The following C1orf74 variants were observed in gnomAD, a reference collection of about 807,000 sequenced individuals.
C1orf74 encodes the protein UPF0739 protein C1orf74.
C1orf74 carries 5 observed loss-of-function variants against 7.3 expected under a neutral mutation model. The ratio of observed to expected loss-of-function variants is 0.68; its 90% CI spans 0.36 to 1.44. C1orf74 has a LOEUF of 1.44. Among genes scored for constraint, C1orf74 ranks in the 40% most tolerant of loss-of-function variants. C1orf74 has a pLI of 0.04. For synonymous variants in C1orf74, 121 were observed against 132.5 expected, an observed-to-expected ratio of 0.91 and a Z score of 0.59; for missense variants, 291 against 314.3, an observed-to-expected ratio of 0.93 and a Z score of 0.56.
Position 209,779,469 on chromosome 1 carries a change from G to GAACTGGCTGGGA in C1orf74, c.*3355_*3356insTCCCAGCCAGTT. Reference sequence around the variant, plus strand: ...GACTACATGACCTCCTGGAGTCCCAGCCAGTTCTGGGAGTCTGTTAAGTCC... The same window carrying GAACTGGCTGGGA: ...GACTACATGACCTCCTGGAGTCCCAGAACTGGCTGGGACCAGTTCTGGGAGTCTGTTAAGTCC... On this transcript the variant is annotated 3_prime_UTR_variant, in exon 2 of 2. Coordinates refer to ENST00000294811, the MANE Select transcript of C1orf74 (RefSeq NM_152485.4). The GAACTGGCTGGGA allele has an allele frequency of 1.9e-6, 2 of 1,069,568 alleles. No individual in the cohort carries two copies. Among genetic ancestry groups the GAACTGGCTGGGA allele is most frequent in the Non-Finnish European group, 2.9e-6 (2 of 692,536 alleles). 66.3% of individuals were successfully genotyped at this position (1,069,568 alleles called of 1,614,324 possible). A position where few individuals can be genotyped will look rare whatever the true frequency, so the allele number is the denominator to read the frequency against.
At position 209,779,644 on chromosome 1, in the gene C1orf74, T is replaced by C. The variant is rs529378466; in HGVS notation, c.*3181A>G. On this transcript the variant is annotated 3_prime_UTR_variant, in exon 2 of 2. Transcript: ENST00000294811. ...TGTGTTGAACATTTCAATAAATTTA[T>C]TTTGAACTCAGGATTTCATGTCAAT... is the stretch of plus-strand genomic sequence containing the variant. 5.0e-6 allele frequency: 3 copies of C among 605,610 alleles called. No individual in the cohort carries two copies. In the South Asian group the frequency reaches 6.0e-5, roughly 12 times the overall value. The allele number at this position is 605,610 out of a possible 1,614,324, so 37.5% of individuals were successfully genotyped here.
At position 209,783,706 on chromosome 1, in the gene C1orf74, G is replaced by A. The variant is rs2077813815; in HGVS notation, c.-72C>T. On this transcript the variant is annotated 5_prime_UTR_variant, in exon 2 of 2. Coordinates refer to ENST00000294811, the MANE Select transcript of C1orf74 (RefSeq NM_152485.4). ...ATCTTTCAGCCAGACACTTGAGGAGGGGCCTAGAAACAAAGCAGGAGCAGG... is the reference window on the plus strand; with the variant it reads ...ATCTTTCAGCCAGACACTTGAGGAGAGGCCTAGAAACAAAGCAGGAGCAGG... The A allele has an allele frequency of 1.6e-6, 2 of 1,290,036 alleles. No individual in the cohort carries two copies. Among genetic ancestry groups the A allele is most frequent in the East Asian group, 2.3e-5 (1 of 42,826 alleles). The allele number at this position is 1,290,036 out of a possible 1,614,324, so 79.9% of individuals were successfully genotyped here.
Position 209,779,547 on chromosome 1 carries a change from A to G in C1orf74, c.*3278T>C, listed in dbSNP as rs1391333066. ...GATCATTGGCTCTGAGGACACTTCA[A>G]CTAGTTAGCCTTCTATCTTGAGGTA... On this transcript the variant is annotated 3_prime_UTR_variant, in exon 2 of 2. Coordinates refer to ENST00000294811, the MANE Select transcript of C1orf74 (RefSeq NM_152485.4). The G allele has an allele frequency of 1.4e-6, 1 of 719,598 alleles. No homozygotes were observed. The highest frequency in any genetic ancestry group is 2.6e-6 in the Non-Finnish European group (1 of 386,546). The allele number at this position is 719,598 out of a possible 1,614,324, so 44.6% of individuals were successfully genotyped here.
intron 1 of C1orf74, among the ~76,000 whole-genome samples, chr1:209,783,921 C>T (rs1393859693): frequency 6.6e-6 from 1 of 151,992 alleles, no homozygotes; most frequent in African/African-American, 2.4e-5. Flanking sequence ...ATTTATATTC[C>T]CTCTGGCTTT....
chr1:209,779,484 C>T lies in C1orf74; in HGVS notation c.*3341G>A. On this transcript the variant is annotated 3_prime_UTR_variant, in exon 2 of 2. Coordinates refer to ENST00000294811, the MANE Select transcript of C1orf74 (RefSeq NM_152485.4). ...TGGAGTCCCAGCCAGTTCTGGGAGTCTGTTAAGTCCGGGATGTGTGGGAGC... is the reference window on the plus strand; with the variant it reads ...TGGAGTCCCAGCCAGTTCTGGGAGTTTGTTAAGTCCGGGATGTGTGGGAGC... 1.1e-6 allele frequency: 1 copy of T among 921,456 alleles called. No homozygotes were observed. The highest frequency in any genetic ancestry group is 1.8e-6 in the Non-Finnish European group (1 of 562,346). The allele number at this position is 921,456 out of a possible 1,614,324, so 57.1% of individuals were successfully genotyped here. A position where few individuals can be genotyped will look rare whatever the true frequency, so the allele number is the denominator to read the frequency against.
At chr1:209,784,049 CT>C (rs1482803447) in intron 1 of C1orf74, among the ~76,000 whole-genome samples, 1 of 152,172 alleles carries the variant, frequency 6.6e-6, no homozygotes, top group African/African-American at 2.4e-5. Flanking sequence ...CCCAAAAGCC[CT>C]TCTGGGACAG....
chr1:209,779,633 C>T lies in C1orf74; in HGVS notation c.*3192G>A. On this transcript the variant is annotated 3_prime_UTR_variant, in exon 2 of 2. Transcript: ENST00000294811. ...AAGCACATGTCTGTGTTGAACATTT[C>T]AATAAATTTATTTTGAACTCAGGAT... 1.6e-6 allele frequency: 1 copy of T among 609,424 alleles called. No individual in the cohort carries two copies. Among genetic ancestry groups the T allele is most frequent in the Non-Finnish European group, 2.9e-6 (1 of 340,986 alleles). 37.8% of individuals were successfully genotyped at this position (609,424 alleles called of 1,614,324 possible). A position where few individuals can be genotyped will look rare whatever the true frequency, so the allele number is the denominator to read the frequency against.
chr1:209,779,861 T>C lies in C1orf74; in HGVS notation c.*2964A>G, dbSNP rs1006509698. 1.7e-5 allele frequency: 4 copies of C among 231,658 alleles called. No homozygotes were observed. Among genetic ancestry groups the C allele is most frequent in the Non-Finnish European group, 3.4e-5 (4 of 117,358 alleles). The allele number at this position is 231,658 out of a possible 1,614,324, so 14.4% of individuals were successfully genotyped here. On this transcript the variant is annotated 3_prime_UTR_variant, in exon 2 of 2. Coordinates refer to ENST00000294811, the MANE Select transcript of C1orf74 (RefSeq NM_152485.4). ...ACCTTTTGTTTTCTCTTCACAATCA[T>C]TGGGCATAATATAATAGATAAGGCA...
In C1orf74 at chr1:209,780,385, TC is replaced by T. The variant is rs1296601042; in HGVS notation, c.*2439del. 2 of 1,306,426 alleles carry T rather than the reference TC, an allele frequency of 1.5e-6. No individual in the cohort carries two copies. The highest frequency in any genetic ancestry group is 1.0e-6 in the Non-Finnish European group (1 of 999,138). The allele number at this position is 1,306,426 out of a possible 1,614,324, so 80.9% of individuals were successfully genotyped here. ...ACGCCCTCCCAAGTTCCCTCCCCTC[TC>T]CCCACTCCTAGTGGTTTCACCCTCA... On this transcript the variant is annotated 3_prime_UTR_variant, in exon 2 of 2. Transcript: ENST00000294811.
Position 209,780,222 on chromosome 1 carries a change from G to A in C1orf74, c.*2603C>T. On this transcript the variant is annotated 3_prime_UTR_variant, in exon 2 of 2. Transcript: ENST00000294811. ...TATTCACTAAAACTATCTAGCACTA[G>A]ATAAGACTGGGGATACAAAGAAAAG... 1 of 294,820 alleles carries A rather than the reference G, an allele frequency of 3.4e-6. No individual in the cohort carries two copies. Among genetic ancestry groups the A allele is most frequent in the Non-Finnish European group, 6.2e-6 (1 of 161,120 alleles). The allele number at this position is 294,820 out of a possible 1,614,324, so 18.3% of individuals were successfully genotyped here. A position where few individuals can be genotyped will look rare whatever the true frequency, so the allele number is the denominator to read the frequency against.
Position 209,779,258 on chromosome 1 carries a change from G to GA in C1orf74, c.*3566dup. On this transcript the variant is annotated 3_prime_UTR_variant, in exon 2 of 2. Transcript: ENST00000294811. ...AAGGTTCTAAGCAAAGTTCTGAAAAGAAAACTTTTTGTAGTAAATATGCTA... is the reference window on the plus strand; with the variant it reads ...AAGGTTCTAAGCAAAGTTCTGAAAAGAAAAACTTTTTGTAGTAAATATGCTA... The GA allele has an allele frequency of 1.3e-6, 2 of 1,504,356 alleles. No individual in the cohort carries two copies. Among genetic ancestry groups the GA allele is most frequent in the Non-Finnish European group, 1.8e-6 (2 of 1,087,412 alleles). The allele number at this position is 1,504,356 out of a possible 1,614,324, so 93.2% of individuals were successfully genotyped here.
rs781628373 is a variant in C1orf74 at position 209,782,907 on chromosome 1, C to T, written c.728G>A (p.Arg243Lys). Residue 243 changes from arginine to lysine, a missense_variant, in exon 2 of 2, where the codon AGA becomes AAA. Coordinates refer to ENST00000294811, the MANE Select transcript of C1orf74 (RefSeq NM_152485.4). ...GTCATTCTGAGTCCTAAATCGGGTTCTGAGGTCCTTCTCCCAGGTGTTTAG... is the reference window on the plus strand; with the variant it reads ...GTCATTCTGAGTCCTAAATCGGGTTTTGAGGTCCTTCTCCCAGGTGTTTAG... ...DILNTWEKDL[R>K]TRFRTQNDFA... 1.9e-6 allele frequency: 3 copies of T among 1,614,066 alleles called. No homozygotes were observed. The highest frequency in any genetic ancestry group is 2.2e-5 in the East Asian group (1 of 44,894).
Position 209,779,421 on chromosome 1 carries a change from A to C in C1orf74, c.*3404T>G, listed in dbSNP as rs1571966270. ...AATTCTAAGATATTGCTCTTCTCTT[A>C]CCTGCCTAGAGGCAGCGGGATGGAC... is the stretch of plus-strand genomic sequence containing the variant. On this transcript the variant is annotated 3_prime_UTR_variant, in exon 2 of 2. Transcript: ENST00000294811. The C allele has an allele frequency of 6.5e-7, 1 of 1,550,022 alleles. No individual in the cohort carries two copies. The highest frequency in any genetic ancestry group is 8.9e-7 in the Non-Finnish European group (1 of 1,121,936).
chr1:209,782,740 A>G lies in C1orf74; in HGVS notation c.*85T>C. 1 of 1,352,984 alleles carries G rather than the reference A, an allele frequency of 7.4e-7. No individual in the cohort carries two copies. Among genetic ancestry groups the G allele is most frequent in the Non-Finnish European group, 1.0e-6 (1 of 976,630 alleles). The allele number at this position is 1,352,984 out of a possible 1,614,324, so 83.8% of individuals were successfully genotyped here. A position where few individuals can be genotyped will look rare whatever the true frequency, so the allele number is the denominator to read the frequency against. ...CCTTAGTGTATTCAAGACACTTGGA[A>G]TTGGCAGTTGAGATGATTATTTGCC... On this transcript the variant is annotated 3_prime_UTR_variant, in exon 2 of 2. Transcript: ENST00000294811.
chr1:209,779,214 G>A lies in C1orf74; in HGVS notation c.*3611C>T. On this transcript the variant is annotated 3_prime_UTR_variant, in exon 2 of 2. Transcript: ENST00000294811. ...GGACAAAATTCAACACACAGCAGAT[G>A]GGAACATATTTAATAACCAAGGTTC... is the stretch of plus-strand genomic sequence containing the variant. The A allele has an allele frequency of 1.1e-6, 1 of 892,048 alleles. No individual in the cohort carries two copies. The highest frequency in any genetic ancestry group is 1.8e-6 in the Non-Finnish European group (1 of 567,830). 55.3% of individuals were successfully genotyped at this position (892,048 alleles called of 1,614,324 possible).
chr1:209,782,445 C>T lies in C1orf74; in HGVS notation c.*380G>A. The T allele has an allele frequency of 2.1e-6, 1 of 465,458 alleles. No individual in the cohort carries two copies. The highest frequency in any genetic ancestry group is 3.9e-6 in the Non-Finnish European group (1 of 257,054). The allele number at this position is 465,458 out of a possible 1,614,324, so 28.8% of individuals were successfully genotyped here. ...TAAACATGCAGAAAAGCCCCCAGCC[C>T]TACTTTCCTAGCATGCAGCACCCAC... is the stretch of plus-strand genomic sequence containing the variant. On this transcript the variant is annotated 3_prime_UTR_variant, in exon 2 of 2. Coordinates refer to ENST00000294811, the MANE Select transcript of C1orf74 (RefSeq NM_152485.4).
Position 209,783,024 on chromosome 1 carries a change from G to A in C1orf74, c.611C>T (p.Thr204Ile). The A allele has an allele frequency of 1.2e-6, 2 of 1,614,224 alleles. No individual in the cohort carries two copies. Among genetic ancestry groups the A allele is most frequent in the Non-Finnish European group, 1.7e-6 (2 of 1,180,050 alleles). The change falls in exon 2 of 2, where the codon ACT becomes ATT. Residue 204 changes from threonine (T) to isoleucine (I), a missense_variant. By Grantham distance (89) the Thr-to-Ile change is moderately conservative. Transcript: ENST00000294811. ...CLALTPLRVF[T>I]ARISWLLGQP... The stretch of plus-strand genomic sequence containing the variant: ...ACCTAGCAACCATGAGATCCGGGCA[G>A]TGAATACTCGTAGTGGAGTCAGAGC...
rs2077812323 is a variant in C1orf74, at chr1:209,783,536, T to C, written c.99A>G (p.Gln33=). The change falls in exon 2 of 2, where the codon CAA becomes CAG. Residue 33 remains glutamine, a synonymous_variant. Transcript: ENST00000294811. ...LGMGKRRSPP[Q]AICLHLAGEV... ...CTCCAGCTAAGTGAAGGCAGATGGC[T>C]TGGGGTGGACTCCGTCTCTTTCCCA... 1 of 1,614,130 alleles carries C rather than the reference T, an allele frequency of 6.2e-7. No individual in the cohort carries two copies. The highest frequency in any genetic ancestry group is 1.3e-5 in the African/African-American group (1 of 75,020).
In C1orf74 at chr1:209,783,077, G is replaced by A. The variant is rs1316468503; in HGVS notation, c.558C>T (p.His186=). Reference sequence around the variant, plus strand: ...AGCAGTTGTCATCTCCCTGGTTCAGGTGAAAGGTATAGGGAACAGGATAGC... The same window carrying A: ...AGCAGTTGTCATCTCCCTGGTTCAGATGAAAGGTATAGGGAACAGGATAGC... The part of the protein sequence containing the change: ...LLGYPVPYTF[H]LNQGDDNCLA... Residue 186 remains histidine (H), a synonymous_variant, in exon 2 of 2, where the codon CAC becomes CAT. Transcript: ENST00000294811. 8 of 1,614,172 alleles carry A rather than the reference G, an allele frequency of 5.0e-6. No individual in the cohort carries two copies. The highest frequency in any genetic ancestry group is 5.1e-6 in the Non-Finnish European group (6 of 1,180,032).
Sources: allele counts gnomAD v4.1 joint callset (sites outside exome capture counted in the v4.1 genomes callset), GRCh38; gene constraint gnomAD v4.1.1; transcripts MANE v1.5; gene names NCBI Gene and HGNC (gene_info 2026-07-23, HGNC 2026-07-21).